Variants in PPP3CA observed in about 807,000 individuals in gnomAD.
The protein encoded by PPP3CA is CAM-PRP catalytic subunit.
In PPP3CA, 14 loss-of-function variants were observed where a neutral mutation model predicts 66.5. That is an observed-to-expected ratio of 0.21 (90% CI 0.14 to 0.33). The LOEUF is 0.33. PPP3CA is among the 10% of genes least tolerant of loss of function. The pLI, the probability that PPP3CA is intolerant of heterozygous loss-of-function variation, is 1.00. For missense variants in PPP3CA, 317 were observed against 639.5 expected (o/e 0.50, Z 5.44); for synonymous variants, 232 against 226.2 (o/e 1.03, Z -0.23).
chr4:101,065,889 T>C (rs781030196), intron 8 of PPP3CA, among the ~76,000 whole-genome samples: 12 of 152,162 alleles, frequency 7.9e-5, no homozygotes, highest in Non-Finnish European at 1.0e-4. Context: ...AAAGTTCATT[T>C]GACCTTGGCT....
At chr4:101,066,345 T>C (rs1560585148) in intron 8 of PPP3CA, among the ~76,000 whole-genome samples, 1 of 152,136 alleles carries the variant, frequency 6.6e-6, no homozygotes, top group African/African-American at 2.4e-5. Context: ...CTAAGGTACT[T>C]AATATCTTTA....
intron 1 of PPP3CA, among the ~76,000 whole-genome samples, chr4:101,280,800 A>G (rs1436860698): frequency 2.0e-5 from 3 of 146,954 alleles, no homozygotes; most frequent in Admixed American, 6.9e-5. Context: ...AGCCTGGGTG[A>G]CAGAGCCAGA....
chr4:101,144,102 A>G (rs570807303), intron 2 of PPP3CA, among the ~76,000 whole-genome samples: 1 of 152,284 alleles, frequency 6.6e-6, no homozygotes, highest in Non-Finnish European at 1.5e-5. Context: ...TGTTGCCACT[A>G]TGTCTGTCTT....
intron 10 of PPP3CA, among the ~76,000 whole-genome samples, chr4:101,043,388 A>AAG (rs1727615591): frequency 6.6e-6 from 1 of 152,092 alleles, no homozygotes; most frequent in Non-Finnish European, 1.5e-5. Context: ...TCAAATACAT[A>AAG]CTAAATTTTA....
At chr4:101,290,877 T>C (rs780719346) in intron 1 of PPP3CA, among the ~76,000 whole-genome samples, 4 of 152,140 alleles carry the variant, frequency 2.6e-5, no homozygotes, top group South Asian at 4.1e-4. Flanking sequence ...ATACAGTGAT[T>C]GGTTTTGAGG....
intron 1 of PPP3CA, among the ~76,000 whole-genome samples, chr4:101,326,103 G>A (rs950970312): frequency 6.6e-6 from 1 of 152,082 alleles, no homozygotes; most frequent in Non-Finnish European, 1.5e-5. Context: ...ACCAATGCAC[G>A]CCAGCATGGG....
At chr4:101,199,755 A>G (rs1221580000) in intron 1 of PPP3CA, among the ~76,000 whole-genome samples, 1 of 152,222 alleles carries the variant, frequency 6.6e-6, no homozygotes, top group African/African-American at 2.4e-5. Flanking sequence ...ACTGATTTTC[A>G]AGGGTCAATG....
chr4:101,164,434 T>C (rs1475101547), intron 2 of PPP3CA, among the ~76,000 whole-genome samples: 3 of 152,160 alleles, frequency 2.0e-5, no homozygotes, highest in Non-Finnish European at 4.4e-5. Flanking sequence ...CTCAAATACT[T>C]GTTGAATATG....
intron 2 of PPP3CA, among the ~76,000 whole-genome samples, chr4:101,180,366 T>C (rs992471894): frequency 1.3e-5 from 2 of 152,052 alleles, no homozygotes; most frequent in Admixed American, 6.6e-5. Flanking sequence ...TATGGGTCAC[T>C]AGGGAGCTAG....
In PPP3CA at chr4:101,025,684, T is replaced by G; in HGVS notation, c.*181A>C. The G allele has an allele frequency of 6.1e-6, 3 of 489,410 alleles. No homozygotes were observed. Among genetic ancestry groups the G allele is most frequent in the East Asian group, 3.2e-5 (1 of 30,830 alleles). The allele number at this position is 489,410 out of a possible 1,614,324, so 30.3% of individuals were successfully genotyped here. On this transcript the variant is annotated 3_prime_UTR_variant, in exon 14 of 14. Transcript: ENST00000394854. ...ATCACCATCCCCACCAAAATATAGT[T>G]TATTATCTCTCTCCCTCTTTTTTAA... is the stretch of plus-strand genomic sequence containing the variant.
rs6850238 is a variant in PPP3CA at position 101,229,796 on chromosome 4, G to A, written c.59-33680C>T. 2.6e-3 allele frequency among the ~76,000 whole-genome samples: 392 copies of A among 151,676 alleles called. 2 individuals are homozygous for A. The highest frequency in any genetic ancestry group is 8.8e-3 in the African/African-American group (364 of 41,434). On this transcript the variant is annotated intron_variant, in intron 1 of 13. Transcript: ENST00000394854. ...AGGGCAGTAGGAATGGGGAGAGGTA[G>A]AAAAGGAGGAAATCAAAAGGTAGAC...
At chr4:101,090,360 T>C (rs1304258487) in intron 6 of PPP3CA, among the ~76,000 whole-genome samples, 1 of 152,114 alleles carries the variant, frequency 6.6e-6, no homozygotes, top group East Asian at 1.9e-4. Context: ...TTAATGAGGC[T>C]GGGTGCAGTG....
intron 1 of PPP3CA, among the ~76,000 whole-genome samples, chr4:101,324,434 T>C (rs1729149219): frequency 6.6e-6 from 1 of 152,194 alleles, no homozygotes. Context: ...TTCTTTTGAC[T>C]GCTTTTACTG....
At chr4:101,058,356 G>A (rs1345716298) in intron 10 of PPP3CA, among the ~76,000 whole-genome samples, 1 of 152,124 alleles carries the variant, frequency 6.6e-6, no homozygotes, top group Admixed American at 6.6e-5. Context: ...ACTTAATGAT[G>A]TTTAACTTGA....
At chr4:101,211,370 A>T (rs1725293315) in intron 1 of PPP3CA, among the ~76,000 whole-genome samples, 1 of 152,156 alleles carries the variant, frequency 6.6e-6, no homozygotes, top group African/African-American at 2.4e-5. Context: ...GGACATAGAA[A>T]GCCTTAAAAA....
chr4:101,301,408 T>C (rs2110299475), intron 1 of PPP3CA, among the ~76,000 whole-genome samples: 1 of 148,100 alleles, frequency 6.8e-6, no homozygotes, highest in African/African-American at 2.5e-5. Flanking sequence ...ACAACCATTA[T>C]GTATATTAAA....
intron 1 of PPP3CA, among the ~76,000 whole-genome samples, chr4:101,308,276 A>C (rs780378691): frequency 6.6e-5 from 10 of 152,244 alleles, no homozygotes; most frequent in Non-Finnish European, 1.3e-4. Context: ...TTTTCTTCAA[A>C]GATGAATAGA....
chr4:101,296,486 T>G (rs1022895950), intron 1 of PPP3CA, among the ~76,000 whole-genome samples: 3 of 152,150 alleles, frequency 2.0e-5, no homozygotes, highest in Non-Finnish European at 2.9e-5. Flanking sequence ...ACTTTTATTC[T>G]ACTACACTCC....
intron 2 of PPP3CA, among the ~76,000 whole-genome samples, chr4:101,133,385 A>T (rs984849816): frequency 2.6e-5 from 4 of 152,244 alleles, no homozygotes; most frequent in African/African-American, 7.2e-5. Context: ...TAAGCTGATA[A>T]GCAACTTCAG....
Sources: gnomAD v4.1 joint callset for allele counts (sites outside exome capture counted in the v4.1 genomes callset) on GRCh38, gnomAD v4.1.1 for gene constraint, MANE v1.5 for transcripts, NCBI Gene and HGNC (gene_info 2026-07-23, HGNC 2026-07-21) for gene names.